The following CDK16 variants were observed in gnomAD, a reference collection of about 807,000 sequenced individuals.
CDK16 encodes the protein cyclin dependent kinase 16, also known as cyclin-dependent kinase 16.
CDK16 carries 2 observed loss-of-function variants against 41.6 expected under a neutral mutation model. That is an observed-to-expected ratio of 0.05 (90% CI 0.02 to 0.15). CDK16 has a LOEUF of 0.15. CDK16 is among the 10% of genes least tolerant of loss of function. CDK16 has a pLI of 1.00. For synonymous variants in CDK16, 169 were observed against 169.7 expected, an observed-to-expected ratio of 1.00 and a Z score of 0.03; for missense variants, 228 against 428.9, an observed-to-expected ratio of 0.53 and a Z score of 4.14.
intron 5 of CDK16, 35 bp from the exon 6 acceptor site, chrX:47,224,953 T>G: frequency 8.4e-7 from 1 of 1,197,456 alleles, no homozygotes; most frequent in Non-Finnish European, 1.1e-6. Context: ...TGGAATCTCA[T>G]AGCACCTCTC....
intron 1 of CDK16, chrX:47,222,965 C>T (rs1054585097): frequency 8.8e-6 from 7 of 796,243 alleles, no homozygotes; most frequent in South Asian, 3.4e-5. Flanking sequence ...CCTCCCCCCC[C>T]CCACCTGGGT....
At position 47,218,804 on chromosome X, in the gene CDK16, G is replaced by C; in HGVS notation, c.-308G>C. ...CCGCGATCAGACCGCTCTGTGCCGC[G>C]AGCCGCCGTGAGCACTCGGATTCAA... On this transcript the variant is annotated 5_prime_UTR_variant, in exon 1 of 16. Transcript: ENST00000357227. 1.7e-6 allele frequency: 2 copies of C among 1,146,515 alleles called. No homozygotes were observed. The highest frequency in any genetic ancestry group is 2.3e-6 in the Non-Finnish European group (2 of 867,270). 94.5% of individuals were successfully genotyped at this position (1,146,515 alleles called of 1,213,427 possible).
chrX:47,226,551 C>T (rs1937551083), intron 9 of CDK16, 32 bp from the exon 10 acceptor site: 1 of 1,205,563 alleles, frequency 8.3e-7, no homozygotes, highest in Non-Finnish European at 1.1e-6. Context: ...CCATGACTCC[C>T]TCATTCTAGC....
intron 2 of CDK16, 100 bp from the exon 3 acceptor site, chrX:47,224,283 ACG>A: frequency 1.1e-6 from 1 of 914,847 alleles, no homozygotes; most frequent in Admixed American, 3.2e-5. Flanking sequence ...TGTGGGGGCC[ACG>A]TGCACACATG....
Position 47,229,394 on chromosome X carries a change from T to C in CDK16, c.*626T>C, listed in dbSNP as rs1370079268. 3.0e-6 allele frequency: 1 copy of C among 328,642 alleles called. No individual in the cohort carries two copies. Among genetic ancestry groups the C allele is most frequent in the Non-Finnish European group, 5.9e-6 (1 of 169,204 alleles). 27.1% of individuals were successfully genotyped at this position (328,642 alleles called of 1,213,427 possible). The stretch of plus-strand genomic sequence containing the variant: ...AGTATTTTGTGCAATGAAGCCCTGC[T>C]CCCAGCCTTTCAGAGACAGGGACAC... On this transcript the variant is annotated 3_prime_UTR_variant, in exon 16 of 16. Coordinates refer to ENST00000357227, the MANE Select transcript of CDK16 (RefSeq NM_006201.5).
chrX:47,227,279 G>C, intron 13 of CDK16, 56 bp downstream of exon 13: 1 of 1,123,939 alleles, frequency 8.9e-7, no homozygotes, highest in Non-Finnish European at 1.2e-6. Context: ...TGGGGAAACA[G>C]GGACCCCCCC....
upstream of CDK16, chrX:47,218,386 A>G (rs1220300568): frequency 5.2e-6 from 2 of 385,167 alleles, no homozygotes; most frequent in Non-Finnish European, 8.9e-6. Context: ...TGAGTGCTTC[A>G]TTTGTCTTTT....
Position 47,227,403 on chromosome X carries a change from G to A in CDK16, c.1309G>A (p.Ala437Thr), listed in dbSNP as rs1156865644. 2.5e-6 allele frequency: 3 copies of A among 1,207,638 alleles called. No individual in the cohort carries two copies. The highest frequency in any genetic ancestry group is 4.4e-5 in the Admixed American group (2 of 45,695). ...LQFEGRNRIS[A>T]EDAMKHPFFL... ...GTTTGAGGGTCGAAATCGGATCTCCGCAGAGGATGCCATGAAACATCCATT... is the reference window on the plus strand; with the variant it reads ...GTTTGAGGGTCGAAATCGGATCTCCACAGAGGATGCCATGAAACATCCATT... The change falls in exon 14 of 16, where the codon GCA becomes ACA. Residue 437 changes from alanine to threonine, a missense_variant. Ala to Thr is a moderately conservative substitution (Grantham distance 58). Around this residue, in one of 3 missense-constraint regions of CDK16, gnomAD observed 91 missense variants for 129.5 expected, o/e 0.70. Transcript: ENST00000357227.
Position 47,229,855 on chromosome X carries a change from C to T in CDK16, c.*1087C>T, listed in dbSNP as rs2055313917. On this transcript the variant is annotated 3_prime_UTR_variant, in exon 16 of 16. Transcript: ENST00000357227. ...GGTCAGTCCCTGGATGGGTGGTTACCTCCCCTTCCTCCACCCTAAGCCCTG... is the reference window on the plus strand; with the variant it reads ...GGTCAGTCCCTGGATGGGTGGTTACTTCCCCTTCCTCCACCCTAAGCCCTG... 1.8e-5 allele frequency: 2 copies of T among 112,466 alleles called. No individual in the cohort carries two copies. Among genetic ancestry groups the T allele is most frequent in the South Asian group, 7.2e-4 (2 of 2,760 alleles). The allele number at this position is 112,466 out of a possible 1,213,427, so 9.3% of individuals were successfully genotyped here.
rs1369761960 is a variant in CDK16, at chrX:47,226,406, C to T, written c.916+4C>T. The T allele has an allele frequency of 8.3e-7, 1 of 1,208,158 alleles. No individual in the cohort carries two copies. The highest frequency in any genetic ancestry group is 2.2e-5 in the Admixed American group (1 of 45,589). On this transcript the variant is annotated splice_donor_region_variant and intron_variant, in intron 9 of 15. Transcript: ENST00000357227. ...GAGCTCAAGCTGGCTGACTTTGGTA[C>T]CACTGGCCTCCCCTTTCTTATTGGC...
At chrX:47,219,647 A>G (rs1937248834) in intron 1 of CDK16, among the ~76,000 whole-genome samples, 1 of 111,044 alleles carries the variant, frequency 9.0e-6, no homozygotes, top group African/African-American at 3.3e-5. Context: ...TGGTGGGGTC[A>G]GGGCTCTGAG....
At position 47,224,880 on chromosome X, in the gene CDK16, A is replaced by C; in HGVS notation, c.509A>C (p.Lys170Thr). The change falls in exon 5 of 16, where the codon AAA becomes ACA. Residue 170 changes from lysine (K) to threonine (T), a missense_variant. By Grantham distance (78) the Lys-to-Thr change is moderately conservative. This residue lies in a region of CDK16 where 66 missense variants were observed against 197.2 expected (regional missense o/e 0.33). Coordinates refer to ENST00000357227, the MANE Select transcript of CDK16 (RefSeq NM_006201.5). Reference sequence around the variant, plus strand: ...CTGGAGACCTACATTAAGCTGGACAAACTGGGCGAGGTGAGAGGCAAATAG... The same window carrying C: ...CTGGAGACCTACATTAAGCTGGACACACTGGGCGAGGTGAGAGGCAAATAG... Reference protein sequence around the residue: ...GKLETYIKLDKLGEGTYATVY... With the variant: ...GKLETYIKLDTLGEGTYATVY... The C allele has an allele frequency of 8.3e-7, 1 of 1,211,596 alleles. No individual in the cohort carries two copies. Among genetic ancestry groups the C allele is most frequent in the East Asian group, 3.0e-5 (1 of 33,832 alleles).
chrX:47,221,962 C>T (rs1317251731), intron 1 of CDK16, among the ~76,000 whole-genome samples: 1 of 111,998 alleles, frequency 8.9e-6, no homozygotes, highest in Non-Finnish European at 1.9e-5. Context: ...CCAGGGCCAT[C>T]TTAGGCCCTG....
chrX:47,218,583 T>G, upstream of CDK16: 1 of 1,150,192 alleles, frequency 8.7e-7, no homozygotes, highest in East Asian at 3.3e-5. Context: ...CGTCTCCGGC[T>G]TGGCGCCGCA....
chrX:47,226,560 G>T (rs764699628), intron 9 of CDK16, 23 bp from the exon 10 acceptor site: 1 of 1,207,808 alleles, frequency 8.3e-7, no homozygotes, highest in Non-Finnish European at 1.1e-6. Flanking sequence ...CCTCATTCTA[G>T]CTGTCCTTTC....
chrX:47,221,094 G>C (rs1026677280), intron 1 of CDK16, among the ~76,000 whole-genome samples: 3 of 111,252 alleles, frequency 2.7e-5, no homozygotes, highest in African/African-American at 9.8e-5. Flanking sequence ...GTAAGATGTA[G>C]TGAGGCCTCC....
chrX:47,227,674 A>G (rs2055255487), intron 14 of CDK16: 1 of 430,234 alleles, frequency 2.3e-6, no homozygotes. Context: ...TTTAAAACAT[A>G]CATAAAAATA....
At chrX:47,228,476 C>A (rs1044104247) in intron 14 of CDK16, 91 bp from the exon 15 acceptor site, 12 of 749,358 alleles carry the variant, frequency 1.6e-5, no homozygotes, top group Non-Finnish European at 2.5e-5. Context: ...GAAGGGGCAG[C>A]TTTTTCTAAT....
intron 1 of CDK16, among the ~76,000 whole-genome samples, chrX:47,219,862 A>G (rs931478692): frequency 9.0e-6 from 1 of 110,566 alleles, no homozygotes; most frequent in Admixed American, 9.6e-5. Flanking sequence ...GACCCAGTAT[A>G]TGCTAATGAG....
Sources: allele counts gnomAD v4.1 joint callset (sites outside exome capture counted in the v4.1 genomes callset), GRCh38; gene constraint gnomAD v4.1.1; regional missense constraint gnomAD v4.1.1; transcripts MANE v1.5; gene names NCBI Gene and HGNC (gene_info 2026-07-23, HGNC 2026-07-21).